The following BLTP3A variants were observed in gnomAD, a reference collection of about 807,000 sequenced individuals.
BLTP3A encodes ICBP90 binding protein 1.
At chr6:34,867,666 G>T in the BLTP3A span, 8 of 1,573,248 alleles carry the variant, frequency 5.1e-6, no homozygotes, top group Non-Finnish European at 6.9e-6. Flanking sequence ...GTCTAGGACA[G>T]CCATAGATTA....
At chr6:34,858,435 CTGG>C in the BLTP3A span, 1 of 1,614,202 alleles carries the variant, frequency 6.2e-7, no homozygotes, top group Non-Finnish European at 8.5e-7. Flanking sequence ...CCTGGGATCT[CTGG>C]TCTGTCCACT....
the BLTP3A span, chr6:34,857,595 C>T: frequency 3.4e-6 from 5 of 1,470,692 alleles, no homozygotes; most frequent in Non-Finnish European, 4.6e-6. Context: ...ATTTAGCACA[C>T]TTTTGTTAAA....
At chr6:34,830,068 C>T in the BLTP3A span, among the ~76,000 whole-genome samples, 1 of 152,038 alleles carries the variant, frequency 6.6e-6, no homozygotes, top group Non-Finnish European at 1.5e-5. Flanking sequence ...CTGCCTCAGC[C>T]TCCCAAAGTG....
At chr6:34,818,974 G>A in the BLTP3A span, among the ~76,000 whole-genome samples, 1 of 152,028 alleles carries the variant, frequency 6.6e-6, no homozygotes, top group Non-Finnish European at 1.5e-5. Flanking sequence ...AAAAAAGTTG[G>A]TAAATATATA....
chr6:34,847,346 T>C, the BLTP3A span, among the ~76,000 whole-genome samples: 1 of 152,160 alleles, frequency 6.6e-6, no homozygotes, highest in Admixed American at 6.5e-5. Flanking sequence ...GAAGTATTCC[T>C]CCTCTATTTT....
At chr6:34,872,559 G>A in the BLTP3A span, 2 of 1,283,742 alleles carry the variant, frequency 1.6e-6, no homozygotes, top group East Asian at 2.5e-5. Flanking sequence ...GGACTGGGGA[G>A]CACTCACTTC....
At chr6:34,835,578 TG>T in the BLTP3A span, 1 of 1,210,908 alleles carries the variant, frequency 8.3e-7, no homozygotes, top group Admixed American at 2.8e-5. Context: ...CATTTACTTC[TG>T]GGTATTCATA....
chr6:34,834,883 A>G, the BLTP3A span: 2 of 1,603,418 alleles, frequency 1.2e-6, no homozygotes, highest in Non-Finnish European at 1.7e-6. Flanking sequence ...CTCTGGCCTC[A>G]TGAAAACTTC....
At chr6:34,865,166 C>T in the BLTP3A span, among the ~76,000 whole-genome samples, 4 of 152,192 alleles carry the variant, frequency 2.6e-5, no homozygotes, top group Admixed American at 6.5e-5. Context: ...AAACATTACA[C>T]GTTCACTAAC....
At chr6:34,869,340 T>G in the BLTP3A span, among the ~76,000 whole-genome samples, 1 of 152,136 alleles carries the variant, frequency 6.6e-6, no homozygotes. Context: ...TACCATTACC[T>G]TTTAAGTCTC....
chr6:34,853,157 G>A, the BLTP3A span, among the ~76,000 whole-genome samples: 1 of 152,126 alleles, frequency 6.6e-6, no homozygotes, highest in South Asian at 2.1e-4. Flanking sequence ...TGGTTCTTAT[G>A]ATTTCCTGTG....
At chr6:34,821,421 G>GT in the BLTP3A span, 1 of 475,688 alleles carries the variant, frequency 2.1e-6, no homozygotes, top group Non-Finnish European at 3.8e-6. Context: ...TGTAGAGATG[G>GT]TGTGGTCTGA....
the BLTP3A span, chr6:34,867,575 G>T: frequency 6.2e-7 from 1 of 1,613,728 alleles, no homozygotes; most frequent in Non-Finnish European, 8.5e-7. Context: ...CAGCAGCTGG[G>T]CACCGTGGGA....
At chr6:34,801,259 C>T in the BLTP3A span, among the ~76,000 whole-genome samples, 1 of 152,076 alleles carries the variant, frequency 6.6e-6, no homozygotes, top group South Asian at 2.1e-4. Context: ...ACAGTTATTT[C>T]TAAGTTTGAA....
At chr6:34,860,386 C>T in the BLTP3A span, among the ~76,000 whole-genome samples, 1 of 152,144 alleles carries the variant, frequency 6.6e-6, no homozygotes, top group African/African-American at 2.4e-5. Context: ...GAAGTCTTTC[C>T]TGGAACACTT....
At chr6:34,856,916 T>C in the BLTP3A span, 1 of 1,613,556 alleles carries the variant, frequency 6.2e-7, no homozygotes, top group Admixed American at 1.7e-5. Flanking sequence ...GTGGATGACC[T>C]GGACATCCAC....
At chr6:34,844,805 T>A in the BLTP3A span, among the ~76,000 whole-genome samples, 1 of 152,234 alleles carries the variant, frequency 6.6e-6, no homozygotes, top group Admixed American at 6.5e-5. Context: ...CTGTGGGTTG[T>A]CTCTTCACTT....
the BLTP3A span, chr6:34,867,668 C>A: frequency 6.4e-7 from 1 of 1,570,160 alleles, no homozygotes; most frequent in Non-Finnish European, 8.6e-7. Context: ...CTAGGACAGC[C>A]ATAGATTAAC....
At chr6:34,847,891 A>G in the BLTP3A span, among the ~76,000 whole-genome samples, 14 of 93,258 alleles carry the variant, frequency 1.5e-4, no homozygotes, top group Admixed American at 1.4e-3. Flanking sequence ...GAGGTTATTT[A>G]CTTGAAATTT....
Sources: gnomAD v4.1 joint callset for allele counts (sites outside exome capture counted in the v4.1 genomes callset) on GRCh38, gnomAD v4.1.1 for gene constraint, MANE v1.5 for transcripts, NCBI Gene and HGNC (gene_info 2026-07-23, HGNC 2026-07-21) for gene names.